CBLIF: variants seen among roughly 807,000 people sequenced by gnomAD.
CBLIF encodes the protein cobalamin binding intrinsic factor.
A neutral mutation model predicts 44.9 loss-of-function variants in CBLIF; 24 were observed. The ratio of observed to expected loss-of-function variants is 0.53; its 90% confidence interval spans 0.39 to 0.75. The LOEUF is 0.75. Among genes scored for constraint, CBLIF ranks in the 30% least tolerant of loss-of-function variants. The pLI, the probability that CBLIF is intolerant of heterozygous loss-of-function variation, is 0.00. For synonymous variants in CBLIF, 183 were observed against 190.9 expected, an observed-to-expected ratio of 0.96 and a Z score of 0.34; for missense variants, 481 against 513.0, an observed-to-expected ratio of 0.94 and a Z score of 0.60.
chr11:59,836,959 A>G (rs1173533761), intron 6 of CBLIF, among the ~76,000 whole-genome samples: 1 of 152,224 alleles, frequency 6.6e-6, no homozygotes, highest in African/African-American at 2.4e-5. Context: ...AGCTAGGTAA[A>G]TATATGCTGA....
rs534960908 is a variant in CBLIF at position 59,829,273 on chromosome 11, T to G, written c.*211A>C. On this transcript the variant is annotated 3_prime_UTR_variant, in exon 9 of 9. Transcript: ENST00000257248. ...TAAATGATGATTGGCAGTCATTGTG[T>G]TGAGAAGATGAAAATTTTATTTTCA... 1.9e-6 allele frequency: 1 copy of G among 520,806 alleles called. No homozygotes were observed. The highest frequency in any genetic ancestry group is 3.5e-5 in the East Asian group (1 of 28,616). 32.3% of individuals were successfully genotyped at this position (520,806 alleles called of 1,614,324 possible). A position where few individuals can be genotyped will look rare whatever the true frequency, so the allele number is the denominator to read the frequency against.
Position 59,843,139 on chromosome 11 carries a change from G to C in CBLIF, c.259C>G (p.Leu87Val). The change falls in exon 3 of 9, where the codon CTA (leucine) becomes GTA (valine). Residue 87 changes from leucine to valine, a missense_variant and splice_region_variant. By Grantham distance (32) the Leu-to-Val change is conservative. Coordinates refer to ENST00000257248, the MANE Select transcript of CBLIF (RefSeq NM_005142.3). Reference sequence around the variant, plus strand: ...GTGAGGCCGAGCTGCCCAATGGTTAGATCTGCAGAGAAGAGAACACAACGG... The same window carrying C: ...GTGAGGCCGAGCTGCCCAATGGTTACATCTGCAGAGAAGAGAACACAACGG... Reference protein sequence around the residue: ...YQLMSSDNNDLTIGQLGLTIM... With the variant: ...YQLMSSDNNDVTIGQLGLTIM... The C allele has an allele frequency of 6.3e-7, 1 of 1,591,856 alleles. No homozygotes were observed. Among genetic ancestry groups the C allele is most frequent in the African/African-American group, 1.3e-5 (1 of 74,584 alleles).
intron 4 of CBLIF, among the ~76,000 whole-genome samples, chr11:59,842,080 T>C (rs1007171072): frequency 6.6e-6 from 1 of 152,068 alleles, no homozygotes; most frequent in Non-Finnish European, 1.5e-5. Context: ...TGTGGGAGCA[T>C]CAGTAGTGAT....
chr11:59,834,166 A>C (rs1866410585), intron 7 of CBLIF, among the ~76,000 whole-genome samples: 1 of 152,016 alleles, frequency 6.6e-6, no homozygotes, highest in African/African-American at 2.4e-5. Context: ...TATTTTTTGC[A>C]TGTCCTGACC....
chr11:59,843,321 A>C (rs1437498734), intron 2 of CBLIF, among the ~76,000 whole-genome samples, 180 bp from the exon 3 acceptor site: 1 of 152,176 alleles, frequency 6.6e-6, no homozygotes, highest in Non-Finnish European at 1.5e-5. Flanking sequence ...GGAATATTTA[A>C]TCTAGTGGCC....
chr11:59,840,146 T>A (rs376350685), intron 5 of CBLIF, among the ~76,000 whole-genome samples: 5 of 152,098 alleles, frequency 3.3e-5, no homozygotes, highest in African/African-American at 1.2e-4. Flanking sequence ...CATGAACCAA[T>A]TCTTAGGCTG....
Position 59,842,546 on chromosome 11 carries a change from A to T in CBLIF, c.408T>A (p.Ser136Arg). The T allele has an allele frequency of 6.2e-7, 1 of 1,613,926 alleles. No homozygotes were observed. Among genetic ancestry groups the T allele is most frequent in the Non-Finnish European group, 8.5e-7 (1 of 1,179,912 alleles). The change falls in exon 4 of 9, where the codon AGT (serine) becomes AGA (arginine). Residue 136 changes from serine to arginine, a missense_variant. Coordinates refer to ENST00000257248, the MANE Select transcript of CBLIF (RefSeq NM_005142.3). ...TCTGGCACAGTGCCAAGATCGCTAG[A>T]CTGGGCCCATAGAAGGCTGATGCTT... ...NAEASAFYGP[S>R]LAILALCQKN...
At chr11:59,841,774 G>T (rs1484404039) in intron 4 of CBLIF, among the ~76,000 whole-genome samples, 1 of 152,142 alleles carries the variant, frequency 6.6e-6, no homozygotes, top group Non-Finnish European at 1.5e-5. Flanking sequence ...GAAAACCTGA[G>T]ATAATACTAT....
intron 5 of CBLIF, among the ~76,000 whole-genome samples, 185 bp from the exon 6 acceptor site, chr11:59,837,536 G>A (rs1331122570): frequency 1.3e-5 from 2 of 152,154 alleles, no homozygotes; most frequent in African/African-American, 4.8e-5. Flanking sequence ...CCACCACTTA[G>A]CACAGTGTCT....
At chr11:59,845,289 AT>A (rs1855459554) in intron 1 of CBLIF, 85 bp downstream of exon 1, 2 of 1,598,732 alleles carry the variant, frequency 1.3e-6, no homozygotes, top group South Asian at 1.1e-5. Context: ...AGTGATTGCT[AT>A]TTTCAACCAC....
intron 8 of CBLIF, among the ~76,000 whole-genome samples, chr11:59,830,233 CTTT>C (rs530371257): frequency 4.1e-5 from 5 of 123,288 alleles, no homozygotes; most frequent in Admixed American, 8.4e-5. Flanking sequence ...CAATTACTTT[CTTT>C]TTTTTTTTTT....
chr11:59,845,329 C>G, intron 1 of CBLIF, 46 bp downstream of exon 1: 2 of 1,608,470 alleles, frequency 1.2e-6, no homozygotes, highest in Non-Finnish European at 1.7e-6. Context: ...GCCCCTTCCC[C>G]AGGGCAACTG....
At chr11:59,839,612 T>C (rs1866497184) in intron 5 of CBLIF, among the ~76,000 whole-genome samples, 1 of 152,200 alleles carries the variant, frequency 6.6e-6, no homozygotes, top group South Asian at 2.1e-4. Context: ...CACCTATTGA[T>C]TCCAGATTTC....
intron 7 of CBLIF, among the ~76,000 whole-genome samples, chr11:59,833,688 T>G (rs914142476): frequency 1.3e-5 from 2 of 152,180 alleles, no homozygotes; most frequent in Non-Finnish European, 2.9e-5. Flanking sequence ...TTCCTTAGCC[T>G]TTGTCAGTAT....
intron 6 of CBLIF, 126 bp from the exon 7 acceptor site, chr11:59,836,135 A>G (rs1025377128): frequency 7.6e-6 from 6 of 793,096 alleles, no homozygotes; most frequent in Non-Finnish European, 1.3e-5. Context: ...CATACCATTT[A>G]ACAAAGTACT....
chr11:59,842,039 G>A (rs1164755159), intron 4 of CBLIF, among the ~76,000 whole-genome samples: 4 of 152,166 alleles, frequency 2.6e-5, no homozygotes, highest in Non-Finnish European at 5.9e-5. Context: ...ATATTTGGAT[G>A]TAATGAGGAG....
intron 7 of CBLIF, among the ~76,000 whole-genome samples, chr11:59,832,683 A>G (rs1206555976): frequency 3.9e-5 from 6 of 152,090 alleles, no homozygotes; most frequent in Non-Finnish European, 8.8e-5. Flanking sequence ...AAATAAATAA[A>G]TAAATTTTAA....
intron 7 of CBLIF, among the ~76,000 whole-genome samples, chr11:59,834,292 CTTT>C (rs1866419403): frequency 7.3e-5 from 10 of 137,706 alleles, no homozygotes; most frequent in East Asian, 2.1e-4. Context: ...TTCTTTCTTT[CTTT>C]CTTTCTTTCT....
At chr11:59,832,744 T>G (rs2135083749) in intron 7 of CBLIF, among the ~76,000 whole-genome samples, 1 of 152,192 alleles carries the variant, frequency 6.6e-6, no homozygotes, top group South Asian at 2.1e-4. Context: ...TCACTTAGAA[T>G]GAAATGAAAT....
Sources: gnomAD v4.1 joint callset for allele counts (sites outside exome capture counted in the v4.1 genomes callset) on GRCh38, gnomAD v4.1.1 for gene constraint, MANE v1.5 for transcripts, NCBI Gene and HGNC (gene_info 2026-07-23, HGNC 2026-07-21) for gene names.